EEFSEC: variants seen among roughly 807,000 people sequenced by gnomAD.
EEFSEC encodes the protein selenocysteine-specific elongation factor.
Under a neutral mutation model 42.1 loss-of-function variants are expected in EEFSEC, and 43 were observed. The ratio of observed to expected loss-of-function variants is 1.02; its 90% CI spans 0.80 to 1.32. The LOEUF (loss-of-function observed/expected upper bound fraction) is 1.32. Ranked by LOEUF, EEFSEC falls within the 40% of genes most tolerant of loss-of-function variation. EEFSEC has a pLI of 0.00. For missense variants in EEFSEC, 745 were observed against 803.6 expected, an observed-to-expected ratio of 0.93 and a Z score of 0.88; for synonymous variants, 354 against 339.1, an observed-to-expected ratio of 1.04 and a Z score of -0.48.
At chr3:128,241,864 C>T (rs181890290) in intron 1 of EEFSEC, among the ~76,000 whole-genome samples, 77 of 152,304 alleles carry the variant, frequency 5.1e-4, no homozygotes, top group Middle Eastern at 3.4e-3. Context: ...GCAGTATCAT[C>T]GTCCTTGTAT....
chr3:128,311,829 T>G (rs1249660607), intron 4 of EEFSEC, among the ~76,000 whole-genome samples: 1 of 152,198 alleles, frequency 6.6e-6, no homozygotes, highest in East Asian at 1.9e-4. Flanking sequence ...TAGAAATATT[T>G]CAAAATCCAG....
intron 6 of EEFSEC, among the ~76,000 whole-genome samples, chr3:128,386,507 A>G (rs948152457): frequency 6.6e-6 from 1 of 151,580 alleles, no homozygotes; most frequent in South Asian, 2.1e-4. Flanking sequence ...GACAGGTGAC[A>G]CCACAGCTGA....
intron 1 of EEFSEC, among the ~76,000 whole-genome samples, chr3:128,162,677 T>G (rs530610440): frequency 1.6e-4 from 25 of 152,344 alleles, no homozygotes; most frequent in African/African-American, 5.1e-4. Flanking sequence ...GGTAGTCATA[T>G]TTCATTCTGT....
chr3:128,226,016 C>T (rs2065903817), intron 1 of EEFSEC, among the ~76,000 whole-genome samples: 1 of 152,196 alleles, frequency 6.6e-6, no homozygotes, highest in Non-Finnish European at 1.5e-5. Flanking sequence ...GATTGACTCT[C>T]AGGATATGCC....
At chr3:128,292,535 T>G (rs2066655060) in intron 4 of EEFSEC, among the ~76,000 whole-genome samples, 1 of 151,652 alleles carries the variant, frequency 6.6e-6, no homozygotes, top group Non-Finnish European at 1.5e-5. Flanking sequence ...TATTCTTGTG[T>G]GTGTTTTGTT....
chr3:128,365,143 C>G (rs1017528577), intron 6 of EEFSEC, among the ~76,000 whole-genome samples: 1 of 152,240 alleles, frequency 6.6e-6, no homozygotes, highest in Non-Finnish European at 1.5e-5. Flanking sequence ...CTCTGTCCCT[C>G]ATCACAATTT....
At chr3:128,352,462 G>A (rs2067399702) in intron 5 of EEFSEC, among the ~76,000 whole-genome samples, 1 of 152,232 alleles carries the variant, frequency 6.6e-6, no homozygotes, top group African/African-American at 2.4e-5. Context: ...CAGCTGGTGA[G>A]GCTGGCGTAG....
chr3:128,390,042 T>C (rs976356515), intron 6 of EEFSEC, among the ~76,000 whole-genome samples: 7 of 152,256 alleles, frequency 4.6e-5, no homozygotes, highest in African/African-American at 1.7e-4. Context: ...CACACAACTA[T>C]TTTAAAATAG....
chr3:128,406,892 C>A (rs1286769438), intron 6 of EEFSEC, among the ~76,000 whole-genome samples: 1 of 151,588 alleles, frequency 6.6e-6, no homozygotes, highest in East Asian at 1.9e-4. Context: ...ATATATATTA[C>A]ACTATAAATA....
intron 2 of EEFSEC, among the ~76,000 whole-genome samples, chr3:128,250,248 C>T (rs1287482769): frequency 6.6e-6 from 1 of 152,006 alleles, no homozygotes; most frequent in Admixed American, 6.6e-5. Context: ...CACAAAACTT[C>T]CTAATTTGGA....
At chr3:128,315,914 C>G (rs1452021615) in intron 4 of EEFSEC, among the ~76,000 whole-genome samples, 1 of 152,150 alleles carries the variant, frequency 6.6e-6, no homozygotes, top group African/African-American at 2.4e-5. Flanking sequence ...CATTCTGGTA[C>G]CACTGTTTCA....
Position 128,153,626 on chromosome 3 carries a change from C to G in EEFSEC, c.119C>G (p.Pro40Arg), listed in dbSNP as rs76829052. 1.9e-6 allele frequency: 3 copies of G among 1,597,360 alleles called. No homozygotes were observed. The African/African-American group carries it at 4.1e-5, about 22-fold the overall frequency. ...TCCACCGCCGCCTTTGACAAGCAGC[C>G]GCAGAGCCGCGAGCGCGGCATCACG... ...TASTAAFDKQ[P>R]QSRERGITLD... is the part of the protein sequence containing the mutation. Residue 40 changes from proline to arginine, a missense_variant, in exon 1 of 7, where the codon CCG becomes CGG. By Grantham distance (103) the Pro-to-Arg change is moderately radical. Transcript: ENST00000254730.
intron 6 of EEFSEC, among the ~76,000 whole-genome samples, chr3:128,369,299 C>T (rs542008808): frequency 5.3e-5 from 8 of 152,344 alleles, no homozygotes; most frequent in Non-Finnish European, 7.3e-5. Context: ...GTTATGTTCC[C>T]ATAAATAACA....
chr3:128,418,763 A>G, the EEFSEC span, among the ~76,000 whole-genome samples: 2 of 152,114 alleles, frequency 1.3e-5, no homozygotes, highest in African/African-American at 4.8e-5. Context: ...GACTATGCCT[A>G]GCACCTCTGA....
the EEFSEC span, among the ~76,000 whole-genome samples, chr3:128,414,388 C>T: frequency 2.0e-5 from 3 of 152,198 alleles, no homozygotes; most frequent in Non-Finnish European, 2.9e-5. Context: ...TACCTGAGGA[C>T]GCAGGGACCC....
At chr3:128,406,877 C>T (rs1028654824) in intron 6 of EEFSEC, among the ~76,000 whole-genome samples, 25 of 150,930 alleles carry the variant, frequency 1.7e-4, no homozygotes, top group East Asian at 5.8e-4. Flanking sequence ...TATATACATA[C>T]ATATATATAT....
At chr3:128,327,481 G>A (rs1378027910) in intron 4 of EEFSEC, among the ~76,000 whole-genome samples, 2 of 152,148 alleles carry the variant, frequency 1.3e-5, no homozygotes, top group Non-Finnish European at 2.9e-5. Flanking sequence ...TCTGGAGTTC[G>A]GAGGACAAGG....
intron 4 of EEFSEC, among the ~76,000 whole-genome samples, chr3:128,313,840 A>G (rs1023957686): frequency 6.6e-6 from 1 of 152,354 alleles, no homozygotes; most frequent in African/African-American, 2.4e-5. Context: ...TTATGCAGTG[A>G]TTAGAGTTAA....
downstream of EEFSEC, among the ~76,000 whole-genome samples, chr3:128,409,800 TGACCCCACTGTGTGCTGTGCCCC>T (rs373106235): frequency 1.7e-4 from 26 of 152,284 alleles, no homozygotes; most frequent in South Asian, 6.2e-4. Context: ...CCCTGGGGCC[TGACCCCACTGTGTGCTGTGCCCC>T]GACCCCACTG....
Sources: gnomAD v4.1 joint callset for allele counts (sites outside exome capture counted in the v4.1 genomes callset) on GRCh38, gnomAD v4.1.1 for gene constraint, MANE v1.5 for transcripts, NCBI Gene and HGNC (gene_info 2026-07-23, HGNC 2026-07-21) for gene names.